The following TRMT11 variants were observed in gnomAD, a reference collection of about 807,000 sequenced individuals.
TRMT11 encodes tRNA (guanine(10)-N(2))-methyltransferase TRMT11.
A neutral mutation model predicts 62.8 loss-of-function variants in TRMT11; 53 were observed. The ratio of observed to expected loss-of-function variants is 0.84; its 90% CI spans 0.68 to 1.06. The LOEUF is 1.06. Among genes scored for constraint, TRMT11 ranks in the 50% least tolerant of loss-of-function variants. TRMT11 has a pLI of 0.00. For missense variants in TRMT11, 556 were observed against 553.4 expected, an observed-to-expected ratio of 1.00 and a Z score of -0.05; for synonymous variants, 188 against 190.3, an observed-to-expected ratio of 0.99 and a Z score of 0.10.
the TRMT11 span, among the ~76,000 whole-genome samples, chr6:126,242,617 A>G: frequency 1.2e-3 from 181 of 152,344 alleles, 3 homozygotes; most frequent in East Asian, 0.034. Context: ...CAGAGCCCTC[A>G]GAAATAATGC....
intron 16 of TRMT11, among the ~76,000 whole-genome samples, chr6:126,049,251 A>G (rs1776145224): frequency 1.3e-5 from 2 of 151,938 alleles, no homozygotes; most frequent in South Asian, 4.1e-4. Context: ...GATGGTTTTA[A>G]CTCAGACAAT....
At chr6:126,020,225 A>G (rs371485246) in intron 11 of TRMT11, among the ~76,000 whole-genome samples, 9 of 152,376 alleles carry the variant, frequency 5.9e-5, no homozygotes, top group African/African-American at 1.9e-4. Context: ...GATTACCTGT[A>G]TAATAAATGT....
chr6:126,204,667 C>G (rs1192152102), downstream of TRMT11, among the ~76,000 whole-genome samples: 2 of 152,176 alleles, frequency 1.3e-5, no homozygotes, highest in African/African-American at 2.4e-5. Flanking sequence ...CCAAACTTGT[C>G]TTGGGGTGGT....
chr6:126,057,193 A>C (rs1447116570), intron 17 of TRMT11, among the ~76,000 whole-genome samples: 1 of 152,226 alleles, frequency 6.6e-6, no homozygotes, highest in Non-Finnish European at 1.5e-5. Flanking sequence ...AAGGTTGACA[A>C]GCCTTTGCGG....
intron 1 of TRMT11, among the ~76,000 whole-genome samples, chr6:126,190,464 A>G (rs1016370147): frequency 6.6e-6 from 1 of 152,132 alleles, no homozygotes; most frequent in Non-Finnish European, 1.5e-5. Context: ...ACCTTCCACC[A>G]TGACTGTAAG....
chr6:126,156,815 G>A (rs1778127533), intron 21 of TRMT11, among the ~76,000 whole-genome samples: 1 of 152,168 alleles, frequency 6.6e-6, no homozygotes, highest in Non-Finnish European at 1.5e-5. Context: ...ATTCATGAGA[G>A]ATCTGCCCCC....
At chr6:126,245,910 C>T in the TRMT11 span, among the ~76,000 whole-genome samples, 1 of 151,934 alleles carries the variant, frequency 6.6e-6, no homozygotes, top group African/African-American at 2.4e-5. Context: ...CCAGCTTAGG[C>T]AACATATTGA....
At chr6:126,086,132 A>G (rs934214370) in intron 17 of TRMT11, among the ~76,000 whole-genome samples, 1 of 152,188 alleles carries the variant, frequency 6.6e-6, no homozygotes, top group African/African-American at 2.4e-5. Context: ...AGGCTGATTT[A>G]CTTTAAACTA....
intron 1 of TRMT11, among the ~76,000 whole-genome samples, chr6:126,181,632 G>A (rs1011280373): frequency 6.6e-6 from 1 of 152,130 alleles, no homozygotes; most frequent in Non-Finnish European, 1.5e-5. Context: ...AAAAGAAAAG[G>A]GCACCATTGT....
the TRMT11 span, among the ~76,000 whole-genome samples, chr6:126,215,633 A>G: frequency 6.6e-6 from 1 of 151,752 alleles, no homozygotes; most frequent in Non-Finnish European, 1.5e-5. Context: ...CTGGTTTTTT[A>G]TCCATTCAGG....
chr6:126,077,191 G>T (rs981285832), intron 17 of TRMT11, among the ~76,000 whole-genome samples: 1 of 152,142 alleles, frequency 6.6e-6, no homozygotes, highest in Non-Finnish European at 1.5e-5. Flanking sequence ...CATGACATTT[G>T]TTTACTTTCT....
chr6:126,047,190 C>G (rs527992287), intron 16 of TRMT11, among the ~76,000 whole-genome samples: 1 of 152,018 alleles, frequency 6.6e-6, no homozygotes, highest in East Asian at 2.0e-4. Context: ...AGGCCCCACC[C>G]TCAAGCCTGA....
intron 17 of TRMT11, among the ~76,000 whole-genome samples, chr6:126,084,548 G>T (rs1338074915): frequency 6.6e-6 from 1 of 151,902 alleles, no homozygotes; most frequent in Admixed American, 6.6e-5. Flanking sequence ...TTCCTTTACT[G>T]TGCAGAGCTG....
intron 6 of TRMT11, 23 bp from the exon 7 acceptor site, chr6:125,999,434 C>A: frequency 6.4e-7 from 1 of 1,569,938 alleles, no homozygotes; most frequent in Non-Finnish European, 8.6e-7. Flanking sequence ...GCTATACTAA[C>A]ATAAGAAATA....
chr6:126,257,086 A>G, the TRMT11 span, among the ~76,000 whole-genome samples: 1 of 151,606 alleles, frequency 6.6e-6, no homozygotes. Context: ...GGATTTCACC[A>G]TGTTGGCCAG....
chr6:126,256,693 AATT>A, the TRMT11 span, among the ~76,000 whole-genome samples: 2 of 152,190 alleles, frequency 1.3e-5, no homozygotes, highest in Non-Finnish European at 2.9e-5. Context: ...GGTCCATAAT[AATT>A]CTGAAATCCA....
chr6:126,222,325 AG>A, the TRMT11 span, among the ~76,000 whole-genome samples: 105 of 152,162 alleles, frequency 6.9e-4, no homozygotes, highest in Middle Eastern at 3.4e-3. Context: ...ATTTTAGAAT[AG>A]TTTTTTTTTC....
At chr6:126,227,645 G>A in the TRMT11 span, among the ~76,000 whole-genome samples, 2 of 152,154 alleles carry the variant, frequency 1.3e-5, no homozygotes, top group Admixed American at 6.5e-5. Flanking sequence ...TAACACTCTA[G>A]ATGTTTACAA....
chr6:126,238,422 G>C, the TRMT11 span, among the ~76,000 whole-genome samples: 1 of 151,798 alleles, frequency 6.6e-6, no homozygotes, highest in African/African-American at 2.4e-5. Flanking sequence ...CTTTGTTCTC[G>C]TTGGTTTCAA....
Sources: allele counts gnomAD v4.1 joint callset (sites outside exome capture counted in the v4.1 genomes callset), GRCh38; gene constraint gnomAD v4.1.1; transcripts MANE v1.5; gene names NCBI Gene and HGNC (gene_info 2026-07-23, HGNC 2026-07-21).